The following ZNF606 variants were observed in gnomAD, a reference collection of about 807,000 sequenced individuals.
The protein encoded by ZNF606 is zinc finger protein 328.
ZNF606 carries 37 observed loss-of-function variants against 74.9 expected under a neutral mutation model. That is an observed-to-expected ratio of 0.49 (90% CI 0.38 to 0.65). The LOEUF is 0.65. ZNF606 is among the 30% of genes least tolerant of loss of function. ZNF606 has a pLI of 0.00. For synonymous variants in ZNF606, 328 were observed against 312.4 expected (o/e 1.05, Z -0.53); for missense variants, 852 against 952.9 (o/e 0.89, Z 1.39).
At chr19:57,996,639 A>G (rs1193997717) in intron 4 of ZNF606, among the ~76,000 whole-genome samples, 1 of 152,182 alleles carries the variant, frequency 6.6e-6, no homozygotes, top group East Asian at 1.9e-4. Context: ...GGCTGTGGAG[A>G]TGAGAGGGAC....
chr19:57,983,504 G>C (rs906415028), intron 6 of ZNF606, among the ~76,000 whole-genome samples: 5 of 151,982 alleles, frequency 3.3e-5, no homozygotes, highest in African/African-American at 1.2e-4. Flanking sequence ...CTTGAACCCG[G>C]GAGGTGGAGG....
chr19:57,981,150 A>AT (rs2123269981), intron 6 of ZNF606, among the ~76,000 whole-genome samples: 1 of 152,272 alleles, frequency 6.6e-6, no homozygotes, highest in South Asian at 2.1e-4. Context: ...ACCTCTCAAT[A>AT]AACACACTGG....
intron 6 of ZNF606, among the ~76,000 whole-genome samples, chr19:57,988,003 C>G (rs1201857744): frequency 2.0e-5 from 3 of 152,146 alleles, no homozygotes; most frequent in African/African-American, 7.2e-5. Context: ...CAGGAGCCAT[C>G]AAGAGCCGAC....
chr19:57,978,560 G>A lies in ZNF606; in HGVS notation c.2120C>T (p.Pro707Leu). 2 of 1,614,126 alleles carry A rather than the reference G, an allele frequency of 1.2e-6. No individual in the cohort carries two copies. Among genetic ancestry groups the A allele is most frequent in the Non-Finnish European group, 8.5e-7 (1 of 1,180,036 alleles). The change falls in exon 7 of 7, where the codon CCA becomes CTA. Residue 707 changes from proline (P) to leucine (L), a missense_variant. Physicochemically the swap from Pro to Leu is moderately conservative, Grantham distance 98. Transcript: ENST00000551380. This position sits in a 1 kb window ranked among gnomAD's most constrained non-coding sequence, Gnocchi z 4.4. ...TTTCCCACATTCATTACACCTGTATGGTTTCTCTCCAGTATGAGTTCTCCG... is the reference window on the plus strand; with the variant it reads ...TTTCCCACATTCATTACACCTGTATAGTTTCTCTCCAGTATGAGTTCTCCG... ...AHRRTHTGEK[P>L]YRCNECGKAF... is the part of the protein sequence containing the mutation.
chr19:57,991,285 C>A (rs897742191), intron 4 of ZNF606, among the ~76,000 whole-genome samples: 6 of 152,120 alleles, frequency 3.9e-5, no homozygotes, highest in Non-Finnish European at 5.9e-5. Context: ...CCAAGATCTC[C>A]CCAATGTCTT....
intron 4 of ZNF606, among the ~76,000 whole-genome samples, chr19:57,990,237 C>A (rs1020249134): frequency 1.3e-5 from 2 of 150,752 alleles, no homozygotes; most frequent in Non-Finnish European, 3.0e-5. Context: ...TGGTAGCAGG[C>A]ACCTGTTGTC....
In ZNF606 at chr19:58,002,701, G is replaced by C. The variant is rs765886824; in HGVS notation, c.-357C>G. ...GGGCAGGCGCAGGACCCACCCTGACGCCGCCTCTCCCAGCCGGCTCTCCTG... is the reference window on the plus strand; with the variant it reads ...GGGCAGGCGCAGGACCCACCCTGACCCCGCCTCTCCCAGCCGGCTCTCCTG... On this transcript the variant is annotated 5_prime_UTR_variant, in exon 1 of 7. Transcript: ENST00000551380. The C allele has an allele frequency of 2.2e-6, 1 of 453,830 alleles. No homozygotes were observed. Among genetic ancestry groups the C allele is most frequent in the South Asian group, 1.6e-5 (1 of 64,474 alleles). 28.1% of individuals were successfully genotyped at this position (453,830 alleles called of 1,614,324 possible).
chr19:57,987,806 C>T (rs957963581), intron 6 of ZNF606, among the ~76,000 whole-genome samples: 5 of 152,104 alleles, frequency 3.3e-5, no homozygotes, highest in African/African-American at 7.2e-5. Flanking sequence ...CCAGCCTGGG[C>T]GACAGAGCGA....
intron 4 of ZNF606, chr19:57,999,471 C>G (rs1419857002): frequency 7.5e-6 from 3 of 399,476 alleles, no homozygotes; most frequent in African/African-American, 6.0e-5. Flanking sequence ...GCAGGCACAG[C>G]AGGCACTGCA....
chr19:57,991,962 G>A lies in ZNF606; in HGVS notation c.178-3241C>T, dbSNP rs73068305. Among the ~76,000 whole-genome samples, 719 of 152,148 alleles carry A rather than the reference G, an allele frequency of 4.7e-3. 2 individuals are homozygous for A. The highest frequency in any genetic ancestry group is 8.6e-3 in the Non-Finnish European group (586 of 68,008). ...TACACATCCTAACCTCCCTGGGGTG[G>A]CACCTTCTTAGATGGCTTCAATGTT... On this transcript the variant is annotated intron_variant, in intron 4 of 6. Coordinates refer to ENST00000551380, the MANE Select transcript of ZNF606 (RefSeq NM_001348022.3).
intron 4 of ZNF606, among the ~76,000 whole-genome samples, chr19:57,988,971 G>A (rs1024100392): frequency 3.3e-5 from 5 of 152,128 alleles, no homozygotes; most frequent in Non-Finnish European, 7.4e-5. Context: ...AGGTCTCTTC[G>A]AAGACTCTTG....
intron 6 of ZNF606, among the ~76,000 whole-genome samples, 156 bp downstream of exon 6, chr19:57,988,051 C>A (rs1372991274): frequency 2.6e-5 from 4 of 152,178 alleles, no homozygotes; most frequent in Admixed American, 2.0e-4. Context: ...GATGGTGATG[C>A]TTCTTTGCTC....
intron 6 of ZNF606, among the ~76,000 whole-genome samples, chr19:57,980,793 C>T (rs919473831): frequency 2.0e-5 from 3 of 149,054 alleles, no homozygotes; most frequent in African/African-American, 7.4e-5. Flanking sequence ...CAAGATCGCG[C>T]CACTGCACTT....
rs763529131 is a variant in ZNF606 at position 57,979,779 on chromosome 19, T to C, written c.901A>G (p.Ile301Val). The C allele has an allele frequency of 3.7e-6, 6 of 1,613,520 alleles. No homozygotes were observed. Among genetic ancestry groups the C allele is most frequent in the South Asian group, 1.1e-5 (1 of 91,074 alleles). The part of the protein sequence containing the change: ...CTDAVKSFNH[I>V]IHFGDHKGIH... ...CCTTTATGATCACCAAAATGTATTATATGATTGAAAGATTTAACAGCATCA... is the reference window on the plus strand; with the variant it reads ...CCTTTATGATCACCAAAATGTATTACATGATTGAAAGATTTAACAGCATCA... Residue 301 changes from isoleucine to valine, a missense_variant, in exon 7 of 7, where the codon ATA becomes GTA. Around this residue, in one of 3 missense-constraint regions of ZNF606, gnomAD observed 545 missense variants for 542.5 expected, o/e 1.00. Coordinates refer to ENST00000551380, the MANE Select transcript of ZNF606 (RefSeq NM_001348022.3).
chr19:57,998,212 T>C (rs188849484), intron 4 of ZNF606: 40 of 152,238 alleles, frequency 2.6e-4, no homozygotes, highest in African/African-American at 9.1e-4. Flanking sequence ...TAAATATAAC[T>C]TTAATGAATT....
upstream of ZNF606, chr19:58,002,865 C>A (rs2073466199): frequency 2.3e-6 from 1 of 433,960 alleles, no homozygotes; most frequent in Non-Finnish European, 4.6e-6. Context: ...TCCAGGCGGG[C>A]ACTTCCGGCG....
intron 3 of ZNF606, 142 bp from the exon 4 acceptor site, chr19:58,000,038 T>G: frequency 1.4e-6 from 1 of 696,298 alleles, no homozygotes; most frequent in South Asian, 2.0e-5. Context: ...GATGAAGGAA[T>G]TAGGGCTCAG....
At chr19:58,000,493 G>A (rs761370474) in intron 3 of ZNF606, 190 bp downstream of exon 3, 1 of 682,990 alleles carries the variant, frequency 1.5e-6, no homozygotes, top group Non-Finnish European at 2.7e-6. Context: ...CCAAAGTGCT[G>A]TAGGCGTGAG....
chr19:57,978,514 G>T lies in ZNF606; in HGVS notation c.2166C>A (p.Ser722=). ...TATGGTTTCTTAGGTGTACAATAAG[G>T]GATGAACTCTCATTAAATGCTTTCC... ...ECGKAFNESS[S]LIVHLRNHTG... The change falls in exon 7 of 7, where the codon TCC becomes TCA. Residue 722 remains serine (S), a synonymous_variant. Coordinates refer to ENST00000551380, the MANE Select transcript of ZNF606 (RefSeq NM_001348022.3). This position sits in a 1 kb window ranked among gnomAD's most constrained non-coding sequence, Gnocchi z 4.4. 3 of 1,614,012 alleles carry T rather than the reference G, an allele frequency of 1.9e-6. No homozygotes were observed. Among genetic ancestry groups the T allele is most frequent in the Non-Finnish European group, 2.5e-6 (3 of 1,179,952 alleles).
Sources: allele counts gnomAD v4.1 joint callset (sites outside exome capture counted in the v4.1 genomes callset), GRCh38; gene constraint gnomAD v4.1.1; regional missense constraint gnomAD v4.1.1; non-coding constraint Gnocchi (gnomAD v3.1); transcripts MANE v1.5; gene names NCBI Gene and HGNC (gene_info 2026-07-23, HGNC 2026-07-21).